CAND1: variants seen among roughly 807,000 people sequenced by gnomAD.
CAND1 encodes the protein cullin associated and neddylation dissociated 1, also known as cullin-associated NEDD8-dissociated protein 1.
A neutral mutation model predicts 108.5 loss-of-function variants in CAND1; 7 were observed. That is an observed-to-expected ratio of 0.06 (90% CI 0.04 to 0.12). The LOEUF (loss-of-function observed/expected upper bound fraction) is 0.12. Ranked by LOEUF, CAND1 falls within the 10% of genes least tolerant of loss-of-function variation. CAND1 has a pLI of 1.00. For synonymous variants in CAND1, 534 were observed against 512.0 expected, an observed-to-expected ratio of 1.04 and a Z score of -0.58; for missense variants, 941 against 1,448.7, an observed-to-expected ratio of 0.65 and a Z score of 5.69.
At chr12:67,289,370 C>CACT (rs2044701703) in intron 2 of CAND1, among the ~76,000 whole-genome samples, 1 of 151,844 alleles carries the variant, frequency 6.6e-6, no homozygotes, top group South Asian at 2.1e-4. Flanking sequence ...AGGCATGTAC[C>CACT]ATGTCCAGCT....
At chr12:67,273,581 A>G (rs1203244803) in intron 1 of CAND1, among the ~76,000 whole-genome samples, 2 of 151,488 alleles carry the variant, frequency 1.3e-5, no homozygotes, top group African/African-American at 4.9e-5. Flanking sequence ...CCTGGGCTCA[A>G]GCGATTTTCT....
At chr12:67,311,923 G>T in intron 14 of CAND1, 123 bp downstream of exon 14, 1 of 606,024 alleles carries the variant, frequency 1.7e-6, no homozygotes, top group Non-Finnish European at 3.0e-6. Context: ...GGTTTAAAAA[G>T]TTAACCTATC....
chr12:67,311,819 C>T lies in CAND1; in HGVS notation c.3468+19C>T. The T allele has an allele frequency of 7.1e-7, 1 of 1,409,060 alleles. No homozygotes were observed. The highest frequency in any genetic ancestry group is 1.0e-6 in the Non-Finnish European group (1 of 993,520). 87.3% of individuals were successfully genotyped at this position (1,409,060 alleles called of 1,614,324 possible). A position where few individuals can be genotyped will look rare whatever the true frequency, so the allele number is the denominator to read the frequency against. ...AACTAAGGTAAGAAATGATAAGTAT[C>T]AACCTAGGTCAGACTTGGTGTATTG... On this transcript the variant is annotated intron_variant, in intron 14 of 14. Coordinates refer to ENST00000545606, the MANE Select transcript of CAND1 (RefSeq NM_018448.5).
At chr12:67,280,877 A>G (rs2044613146) in intron 1 of CAND1, among the ~76,000 whole-genome samples, 1 of 152,032 alleles carries the variant, frequency 6.6e-6, no homozygotes, top group African/African-American at 2.4e-5. Context: ...AGTGGTTCTT[A>G]AGGGGAGGGG....
chr12:67,311,691 A>T lies in CAND1; in HGVS notation c.3361-2A>T. 6.4e-7 allele frequency: 1 copy of T among 1,566,966 alleles called. No homozygotes were observed. The highest frequency in any genetic ancestry group is 8.8e-7 in the Non-Finnish European group (1 of 1,138,032). Reference sequence around the variant, plus strand: ...AAATTCTGTCTTTTTTATTCCTAATAGATGCTGACATTTTTAATGTTGGTG... The same window carrying T: ...AAATTCTGTCTTTTTTATTCCTAATTGATGCTGACATTTTTAATGTTGGTG... On this transcript the variant is annotated splice_acceptor_variant, in intron 13 of 14. Transcript: ENST00000545606. LOFTEE classifies it high-confidence loss of function.
intron 2 of CAND1, among the ~76,000 whole-genome samples, chr12:67,289,618 C>A (rs1285327421): frequency 6.6e-6 from 1 of 152,180 alleles, no homozygotes; most frequent in Non-Finnish European, 1.5e-5. Flanking sequence ...CTCAAGGAGC[C>A]CACTCGCCTC....
chr12:67,313,795 A>G lies in CAND1; in HGVS notation c.*965A>G, dbSNP rs2044979559. 6.6e-6 allele frequency: 1 copy of G among 152,638 alleles called. No individual in the cohort carries two copies. Among genetic ancestry groups the G allele is most frequent in the Admixed American group, 6.5e-5 (1 of 15,282 alleles). The allele number at this position is 152,638 out of a possible 1,614,324, so 9.5% of individuals were successfully genotyped here. A position where few individuals can be genotyped will look rare whatever the true frequency, so the allele number is the denominator to read the frequency against. ...CGTTTGGATGTCTACATTCCTTATC[A>G]AAGGATATAAATACTGTGTATGCTT... On this transcript the variant is annotated 3_prime_UTR_variant, in exon 15 of 15. Coordinates refer to ENST00000545606, the MANE Select transcript of CAND1 (RefSeq NM_018448.5).
rs2045028860 is a variant in CAND1, at chr12:67,318,341, G to A, written c.*5511G>A. ...ATATATCATATTAGTTTGAATCCTGGCTGTTAGCTGTTAGACTTGGGCAAA... is the reference window on the plus strand; with the variant it reads ...ATATATCATATTAGTTTGAATCCTGACTGTTAGCTGTTAGACTTGGGCAAA... On this transcript the variant is annotated 3_prime_UTR_variant, in exon 15 of 15. Transcript: ENST00000545606. 6.6e-6 allele frequency: 1 copy of A among 152,202 alleles called. No homozygotes were observed. The highest frequency in any genetic ancestry group is 6.5e-5 in the Admixed American group (1 of 15,282). 9.4% of individuals were successfully genotyped at this position (152,202 alleles called of 1,614,324 possible).
At chr12:67,287,974 TC>T (rs2044688177) in intron 2 of CAND1, among the ~76,000 whole-genome samples, 2 of 151,774 alleles carry the variant, frequency 1.3e-5, no homozygotes, top group African/African-American at 4.8e-5. Flanking sequence ...CAGGGCACCT[TC>T]TTTTAACATT....
In CAND1 at chr12:67,298,950, A is replaced by G. The variant is rs1489347628; in HGVS notation, c.855A>G (p.Arg285=). 1 of 1,518,268 alleles carries G rather than the reference A, an allele frequency of 6.6e-7. No homozygotes were observed. The highest frequency in any genetic ancestry group is 1.7e-5 in the Admixed American group (1 of 58,284). The allele number at this position is 1,518,268 out of a possible 1,614,324, so 94.0% of individuals were successfully genotyped here. A position where few individuals can be genotyped will look rare whatever the true frequency, so the allele number is the denominator to read the frequency against. The change falls in exon 7 of 15, where the codon AGA becomes AGG. Residue 285 remains arginine (R), a splice_region_variant and synonymous_variant. Coordinates refer to ENST00000545606, the MANE Select transcript of CAND1 (RefSeq NM_018448.5). The part of the protein sequence containing the change: ...CIQAFESFVR[R]CPKEVYPHVS... ...AGGCAGCTTTTGTTTTTGTCTTTAGATGTCCTAAGGAAGTATATCCTCATG... is the reference window on the plus strand; with the variant it reads ...AGGCAGCTTTTGTTTTTGTCTTTAGGTGTCCTAAGGAAGTATATCCTCATG...
intron 7 of CAND1, among the ~76,000 whole-genome samples, chr12:67,299,766 G>T (rs976533400): frequency 2.2e-4 from 34 of 152,132 alleles, no homozygotes; most frequent in African/African-American, 7.5e-4. Flanking sequence ...GCTCATGTCA[G>T]TTGTTTCTGT....
At position 67,295,073 on chromosome 12, in the gene CAND1, A is replaced by G; in HGVS notation, c.408A>G (p.Gly136=). The part of the protein sequence containing the change: ...LAANVCKKIT[G]RLTSAIAKQE... ...CTAATGTATGTAAAAAGATTACTGGACGTCTTACAAGTGCAATAGCAAAAC... is the reference window on the plus strand; with the variant it reads ...CTAATGTATGTAAAAAGATTACTGGGCGTCTTACAAGTGCAATAGCAAAAC... The change falls in exon 4 of 15, where the codon GGA becomes GGG. Residue 136 remains glycine (G), a synonymous_variant. Coordinates refer to ENST00000545606, the MANE Select transcript of CAND1 (RefSeq NM_018448.5). 1 of 1,612,970 alleles carries G rather than the reference A, an allele frequency of 6.2e-7. No homozygotes were observed. Among genetic ancestry groups the G allele is most frequent in the Non-Finnish European group, 8.5e-7 (1 of 1,179,280 alleles).
At chr12:67,310,793 A>G (rs2044941012) in intron 13 of CAND1, 1 of 152,604 alleles carries the variant, frequency 6.6e-6, no homozygotes, top group African/African-American at 2.4e-5. Context: ...GTTTTTCAAT[A>G]TAATATACTG....
Position 67,306,067 on chromosome 12 carries a change from C to G in CAND1, c.2399C>G (p.Ala800Gly), listed in dbSNP as rs775596489. Residue 800 changes from alanine (A) to glycine (G), a missense_variant, in exon 10 of 15, where the codon GCC becomes GGC. Physicochemically the swap from Ala to Gly is moderately conservative, Grantham distance 60 (BLOSUM62 0). Around this residue, in one of 9 missense-constraint regions of CAND1, gnomAD observed 697 missense variants for 942.0 expected, o/e 0.74. Coordinates refer to ENST00000545606, the MANE Select transcript of CAND1 (RefSeq NM_018448.5). Reference sequence around the variant, plus strand: ...CATAAGCAGTCTTATTATTCCATTGCCAAATGTGTAGCTGCCCTTACTCGA... The same window carrying G: ...CATAAGCAGTCTTATTATTCCATTGGCAAATGTGTAGCTGCCCTTACTCGA... ...LTHKQSYYSI[A>G]KCVAALTRAC... 2 of 1,614,068 alleles carry G rather than the reference C, an allele frequency of 1.2e-6. No homozygotes were observed. The highest frequency in any genetic ancestry group is 1.7e-6 in the Non-Finnish European group (2 of 1,180,002).
In CAND1 at chr12:67,310,414, G is replaced by A. The variant is rs992718823; in HGVS notation, c.3360+98G>A. 4.6e-6 allele frequency: 4 copies of A among 874,682 alleles called. No individual in the cohort carries two copies. In the African/African-American group the frequency reaches 6.8e-5, roughly 15 times the overall value. The allele number at this position is 874,682 out of a possible 1,614,324, so 54.2% of individuals were successfully genotyped here. A position where few individuals can be genotyped will look rare whatever the true frequency, so the allele number is the denominator to read the frequency against. ...TTACTCATGTGTCTGAGAAAAATCA[G>A]GTTGTCTGTGAAGATTTTGATAAGC... On this transcript the variant is annotated intron_variant, in intron 13 of 14. Coordinates refer to ENST00000545606, the MANE Select transcript of CAND1 (RefSeq NM_018448.5).
intron 11 of CAND1, among the ~76,000 whole-genome samples, chr12:67,308,960 A>G (rs749750182): frequency 1.3e-5 from 2 of 151,906 alleles, no homozygotes; most frequent in Non-Finnish European, 2.9e-5. Flanking sequence ...TATCTCTCCT[A>G]CATTTCCCTG....
At position 67,269,637 on chromosome 12, in the gene CAND1, C is replaced by T. The variant is rs1420179672; in HGVS notation, c.-81C>T. The T allele has an allele frequency of 1.6e-6, 2 of 1,246,310 alleles. No individual in the cohort carries two copies. Among genetic ancestry groups the T allele is most frequent in the Non-Finnish European group, 1.2e-6 (1 of 868,020 alleles). 77.2% of individuals were successfully genotyped at this position (1,246,310 alleles called of 1,614,324 possible). On this transcript the variant is annotated 5_prime_UTR_variant, in exon 1 of 15. Coordinates refer to ENST00000545606, the MANE Select transcript of CAND1 (RefSeq NM_018448.5). ...GAGCCGCCGCGAGCGAGAGGAGGAG[C>T]TCCAGTGGCGGCGGCGGCGGCGGCA...
At chr12:67,274,525 A>ATCGT (rs1225431109) in intron 1 of CAND1, among the ~76,000 whole-genome samples, 1 of 152,232 alleles carries the variant, frequency 6.6e-6, no homozygotes, top group African/African-American at 2.4e-5. Context: ...ACTAAACGGA[A>ATCGT]TCGTTCTCTT....
rs1424408235 is a variant in CAND1, at chr12:67,318,059, G to A, written c.*5229G>A. On this transcript the variant is annotated 3_prime_UTR_variant, in exon 15 of 15. Transcript: ENST00000545606. ...AGGCCAAGGCAGGTGGATTGCTTGAGGTCAAGAGTTCGAGACCAGTCTGGC... is the reference window on the plus strand; with the variant it reads ...AGGCCAAGGCAGGTGGATTGCTTGAAGTCAAGAGTTCGAGACCAGTCTGGC... 6 of 152,308 alleles carry A rather than the reference G, an allele frequency of 3.9e-5. No homozygotes were observed. The highest frequency in any genetic ancestry group is 1.5e-5 in the Non-Finnish European group (1 of 68,114). 9.4% of individuals were successfully genotyped at this position (152,308 alleles called of 1,614,324 possible). A position where few individuals can be genotyped will look rare whatever the true frequency, so the allele number is the denominator to read the frequency against.
Sources: allele counts gnomAD v4.1 joint callset (sites outside exome capture counted in the v4.1 genomes callset), GRCh38; gene constraint gnomAD v4.1.1; regional missense constraint gnomAD v4.1.1; transcripts MANE v1.5; gene names NCBI Gene and HGNC (gene_info 2026-07-23, HGNC 2026-07-21).